The following KCNH8 variants were observed in gnomAD, a reference collection of about 807,000 sequenced individuals.
The protein encoded by KCNH8 is potassium voltage-gated channel subfamily H member 8.
A neutral mutation model predicts 103.6 loss-of-function variants in KCNH8; 70 were observed. The observed-to-expected ratio is 0.68, with a 90% CI of 0.56 to 0.82. KCNH8 has a LOEUF of 0.82. Among genes scored for constraint, KCNH8 ranks in the 40% least tolerant of loss-of-function variants. The pLI is 0.00. For missense variants in KCNH8, 1,217 were observed against 1,329.9 expected (o/e 0.92, Z 1.32); for synonymous variants, 498 against 489.4 (o/e 1.02, Z -0.23).
intron 8 of KCNH8, among the ~76,000 whole-genome samples, chr3:19,448,025 C>T (rs532200725): frequency 2.6e-5 from 4 of 151,918 alleles, no homozygotes; most frequent in African/African-American, 4.8e-5. Context: ...TGCAGGAAAA[C>T]CTTAAATCTG....
intron 11 of KCNH8, among the ~76,000 whole-genome samples, chr3:19,491,586 C>G (rs989795288): frequency 6.6e-6 from 1 of 152,150 alleles, no homozygotes; most frequent in Non-Finnish European, 1.5e-5. Context: ...ATCCAATCCA[C>G]CACTGACGGT....
intron 1 of KCNH8, among the ~76,000 whole-genome samples, chr3:19,232,819 G>T (rs922520552): frequency 2.0e-5 from 3 of 152,196 alleles, no homozygotes; most frequent in Non-Finnish European, 4.4e-5. Context: ...TGGGTCACGT[G>T]TAGCTACAGG....
chr3:19,159,923 C>T (rs1032133721), intron 1 of KCNH8, among the ~76,000 whole-genome samples: 1 of 152,018 alleles, frequency 6.6e-6, no homozygotes, highest in East Asian at 1.9e-4. Context: ...TGTATACATG[C>T]AATATATTTA....
chr3:19,485,278 A>G (rs1418624388), intron 11 of KCNH8, among the ~76,000 whole-genome samples: 1 of 152,196 alleles, frequency 6.6e-6, no homozygotes, highest in African/African-American at 2.4e-5. Flanking sequence ...GAGTAAGTAC[A>G]CACAAGAACC....
chr3:19,207,211 G>GT (rs775355378), intron 1 of KCNH8, among the ~76,000 whole-genome samples: 9 of 151,918 alleles, frequency 5.9e-5, no homozygotes, highest in Non-Finnish European at 1.2e-4. Context: ...AGCATCAGGG[G>GT]TAAAAAAAGA....
In KCNH8 at chr3:19,459,070, A is replaced by G. The variant is rs972437122; in HGVS notation, c.2040+2088A>G. Among the ~76,000 whole-genome samples the G allele has an allele frequency of 1.4e-4, 21 of 152,160 alleles. No individual in the cohort carries two copies. The Middle Eastern group carries it at 0.01, about 74-fold the overall frequency. ...TGCTGCAATGAAAATGGGAGTGCAT[A>G]TATCTCTTTAAGATACTGATTTCAT... On this transcript the variant is annotated intron_variant, in intron 11 of 15. Transcript: ENST00000328405.
intron 3 of KCNH8, among the ~76,000 whole-genome samples, chr3:19,314,035 A>G (rs748501313): frequency 6.6e-6 from 1 of 151,990 alleles, no homozygotes; most frequent in Non-Finnish European, 1.5e-5. Flanking sequence ...AACTACCTAC[A>G]TATAAAAACC....
chr3:19,258,931 CTCTCTCTCTCTCTCTCTATATA>C (rs1293828676), intron 2 of KCNH8, among the ~76,000 whole-genome samples: 19 of 83,310 alleles, frequency 2.3e-4, no homozygotes, highest in African/African-American at 7.7e-4. Context: ...CTCTCTCTCT[CTCTCTCTCTCTCTCTCTATATA>C]TATATATATA....
At chr3:19,426,564 T>G (rs1338162273) in intron 7 of KCNH8, among the ~76,000 whole-genome samples, 1 of 150,714 alleles carries the variant, frequency 6.6e-6, no homozygotes, top group Admixed American at 6.7e-5. Context: ...ATACAAGATA[T>G]GAAGTAAATT....
intron 14 of KCNH8, 29 bp downstream of exon 14, chr3:19,515,457 G>C (rs370491247): frequency 1.7e-6 from 2 of 1,163,522 alleles, no homozygotes; most frequent in East Asian, 2.7e-5. Flanking sequence ...CTTCTCCTAA[G>C]GTAAAATATT....
chr3:19,239,697 T>C (rs369756960), intron 1 of KCNH8, among the ~76,000 whole-genome samples: 4 of 147,364 alleles, frequency 2.7e-5, no homozygotes, highest in African/African-American at 5.1e-5. Flanking sequence ...TACCTACCTA[T>C]CTATCTAAGC....
At chr3:19,214,871 C>T (rs1211240194) in intron 1 of KCNH8, among the ~76,000 whole-genome samples, 2 of 152,204 alleles carry the variant, frequency 1.3e-5, no homozygotes, top group Non-Finnish European at 2.9e-5. Context: ...ACATGTTCTC[C>T]CTAATCCAGT....
chr3:19,352,619 G>T (rs1462224343), intron 5 of KCNH8, among the ~76,000 whole-genome samples: 2 of 152,122 alleles, frequency 1.3e-5, no homozygotes, highest in Non-Finnish European at 2.9e-5. Context: ...TGAACAATGT[G>T]CTCCTGAATG....
intron 1 of KCNH8, among the ~76,000 whole-genome samples, chr3:19,236,708 T>C (rs767779379): frequency 6.6e-6 from 1 of 152,150 alleles, no homozygotes; most frequent in Non-Finnish European, 1.5e-5. Context: ...ATGGTATAGA[T>C]TCCATTAATA....
chr3:19,313,012 T>C lies in KCNH8; in HGVS notation c.443-29575T>C, dbSNP rs2065225833. ...TGAAGATACTAGTTTTCTCCATAAC[T>C]GCTATTGGCTGCTTTGGCTTTCACG... On this transcript the variant is annotated intron_variant, in intron 3 of 15. Coordinates refer to ENST00000328405, the MANE Select transcript of KCNH8 (RefSeq NM_144633.3). Among the ~76,000 whole-genome samples the C allele has an allele frequency of 2.9e-5, 4 of 139,754 alleles. No individual in the cohort carries two copies. The South Asian group carries it at 8.9e-4, about 31-fold the overall frequency. The allele number at this position is 139,754 out of a possible 152,430, so 91.7% of individuals were successfully genotyped here.
At chr3:19,425,308 A>C (rs530512530) in intron 7 of KCNH8, among the ~76,000 whole-genome samples, 1 of 149,074 alleles carries the variant, frequency 6.7e-6, no homozygotes, top group Admixed American at 6.6e-5. Flanking sequence ...TACAGTTTGA[A>C]TATTTTCCTC....
intron 7 of KCNH8, among the ~76,000 whole-genome samples, chr3:19,426,031 G>A (rs1417819438): frequency 1.3e-5 from 2 of 152,196 alleles, no homozygotes; most frequent in Non-Finnish European, 2.9e-5. Context: ...CTGTGACAAC[G>A]CAGAGAATCA....
At chr3:19,199,465 T>C (rs1286321534) in intron 1 of KCNH8, among the ~76,000 whole-genome samples, 1 of 151,862 alleles carries the variant, frequency 6.6e-6, no homozygotes, top group African/African-American at 2.4e-5. Context: ...ATTCTTGTGG[T>C]GACAAAAACT....
At position 19,395,444 on chromosome 3, in the gene KCNH8, T is replaced by A. The variant is rs554246395; in HGVS notation, c.1177+133T>A. On this transcript the variant is annotated intron_variant, in intron 7 of 15. Transcript: ENST00000328405. ...ATCAATTTGTCTAATTAATTTCTATTTTTGAATCCATGACACAAGTAATTT... is the reference window on the plus strand; with the variant it reads ...ATCAATTTGTCTAATTAATTTCTATATTTGAATCCATGACACAAGTAATTT... 2,774 of 603,328 alleles carry A rather than the reference T, an allele frequency of 4.6e-3. 16 individuals are homozygous for A. The highest frequency in any genetic ancestry group is 0.011 in the South Asian group (401 of 37,912). The allele number at this position is 603,328 out of a possible 1,614,324, so 37.4% of individuals were successfully genotyped here.
Sources: gnomAD v4.1 joint callset for allele counts (sites outside exome capture counted in the v4.1 genomes callset) on GRCh38, gnomAD v4.1.1 for gene constraint, MANE v1.5 for transcripts, NCBI Gene and HGNC (gene_info 2026-07-23, HGNC 2026-07-21) for gene names.